RHOBTB1: variants seen among roughly 807,000 people sequenced by gnomAD.
The protein encoded by RHOBTB1 is Rho related BTB domain containing 1.
A neutral mutation model predicts 71.6 loss-of-function variants in RHOBTB1; 40 were observed. The observed-to-expected ratio is 0.56, with a 90% CI of 0.43 to 0.73. RHOBTB1 has a LOEUF of 0.73. RHOBTB1 is among the 30% of genes least tolerant of loss of function. The pLI is 0.00. For synonymous variants in RHOBTB1, 319 were observed against 334.9 expected (o/e 0.95, Z 0.52); for missense variants, 797 against 894.0 (o/e 0.89, Z 1.38).
At chr10:60,977,039 A>G (rs2086340216) in intron 2 of RHOBTB1, among the ~76,000 whole-genome samples, 1 of 152,068 alleles carries the variant, frequency 6.6e-6, no homozygotes, top group Admixed American at 6.6e-5. Flanking sequence ...TGAGATCTGT[A>G]AATGAAGGAG....
chr10:60,999,422 C>T (rs574094824), intron 1 of RHOBTB1, among the ~76,000 whole-genome samples: 30 of 152,260 alleles, frequency 2.0e-4, no homozygotes, highest in African/African-American at 6.7e-4. Flanking sequence ...GTATAAGAAA[C>T]GGGTTTTACT....
chr10:60,974,141 A>C (rs1015565561), intron 2 of RHOBTB1, among the ~76,000 whole-genome samples: 1 of 152,096 alleles, frequency 6.6e-6, no homozygotes, highest in African/African-American at 2.4e-5. Flanking sequence ...CACTAAGTCT[A>C]TAATCAGTTA....
chr10:60,987,285 A>G (rs555030212), intron 1 of RHOBTB1, among the ~76,000 whole-genome samples: 9 of 152,244 alleles, frequency 5.9e-5, no homozygotes, highest in Admixed American at 1.3e-4. Flanking sequence ...GCCTTCCACA[A>G]GGTTCTCCAC....
At chr10:60,991,232 C>A (rs1051846899) in intron 1 of RHOBTB1, among the ~76,000 whole-genome samples, 1 of 152,022 alleles carries the variant, frequency 6.6e-6, no homozygotes, top group Non-Finnish European at 1.5e-5. Context: ...GATGATGTAA[C>A]TAACTACAGC....
chr10:60,994,919 AAAAAC>A (rs148124919), intron 1 of RHOBTB1, among the ~76,000 whole-genome samples: 2 of 151,806 alleles, frequency 1.3e-5, no homozygotes, highest in African/African-American at 2.4e-5. Flanking sequence ...AGATAAGTAA[AAAAAC>A]AAAACAAAAC....
chr10:60,900,283 C>T lies in RHOBTB1; in HGVS notation c.297-7288G>A, dbSNP rs141045759. ...AGGACCAATTAAGAGGTAAGAATTCCGAGAGAGAGGATGGTGACTCTGCTG... is the reference window on the plus strand; with the variant it reads ...AGGACCAATTAAGAGGTAAGAATTCTGAGAGAGAGGATGGTGACTCTGCTG... On this transcript the variant is annotated intron_variant, in intron 4 of 10. Coordinates refer to ENST00000337910, the MANE Select transcript of RHOBTB1 (RefSeq NM_014836.5). 3.8e-3 allele frequency among the ~76,000 whole-genome samples: 581 copies of T among 152,002 alleles called. 5 individuals carry two copies. The highest frequency in any genetic ancestry group is 0.013 in the African/African-American group (555 of 41,462).
intron 1 of RHOBTB1, among the ~76,000 whole-genome samples, chr10:60,994,583 T>C (rs1183355042): frequency 6.6e-6 from 1 of 152,166 alleles, no homozygotes; most frequent in African/African-American, 2.4e-5. Flanking sequence ...CCTTCTCTTT[T>C]TTTAAAAAGT....
intron 2 of RHOBTB1, among the ~76,000 whole-genome samples, chr10:60,950,842 T>TC (rs1324390101): frequency 6.6e-6 from 1 of 152,032 alleles, no homozygotes; most frequent in African/African-American, 2.4e-5. Flanking sequence ...CCCCAATTCC[T>TC]CCCTCCCCAA....
intron 1 of RHOBTB1, among the ~76,000 whole-genome samples, chr10:60,990,234 C>T (rs922462674): frequency 3.3e-5 from 5 of 152,156 alleles, no homozygotes; most frequent in African/African-American, 9.6e-5. Context: ...CTGCCCGCCT[C>T]GGCCTCCCAA....
At chr10:60,868,004 T>C (rs903843615), downstream of RHOBTB1, among the ~76,000 whole-genome samples, 1 of 152,190 alleles carries the variant, frequency 6.6e-6, no homozygotes, top group Non-Finnish European at 1.5e-5. Flanking sequence ...TGGCTCACAG[T>C]GTTTAATTCA....
chr10:60,873,629 G>C (rs1211506085), intron 9 of RHOBTB1, among the ~76,000 whole-genome samples: 1 of 152,168 alleles, frequency 6.6e-6, no homozygotes, highest in Non-Finnish European at 1.5e-5. Context: ...TTTTTCTCTA[G>C]GAGGAATACT....
intron 2 of RHOBTB1, among the ~76,000 whole-genome samples, chr10:60,913,211 G>A (rs557468278): frequency 2.0e-5 from 3 of 152,290 alleles, no homozygotes; most frequent in South Asian, 2.1e-4. Flanking sequence ...TGGAACTGTC[G>A]ACTGTAACGC....
intron 7 of RHOBTB1, among the ~76,000 whole-genome samples, chr10:60,882,045 A>T (rs927877290): frequency 1.8e-4 from 28 of 152,288 alleles, no homozygotes; most frequent in Admixed American, 1.3e-3. Flanking sequence ...CTGATTTTTT[A>T]AAAAAGCCCG....
In RHOBTB1 at chr10:60,871,445, G is replaced by T; in HGVS notation, c.*37C>A. 6.3e-7 allele frequency: 1 copy of T among 1,599,178 alleles called. No homozygotes were observed. Among genetic ancestry groups the T allele is most frequent in the South Asian group, 1.1e-5 (1 of 88,856 alleles). On this transcript the variant is annotated 3_prime_UTR_variant, in exon 11 of 11. Transcript: ENST00000337910. Reference sequence around the variant, plus strand: ...TTGAAAAGTGGTGGATCAGATTACCGATTGGTTTCTGTTTTTTGTTTTTTT... The same window carrying T: ...TTGAAAAGTGGTGGATCAGATTACCTATTGGTTTCTGTTTTTTGTTTTTTT...
Position 60,870,761 on chromosome 10 carries a change from T to C in RHOBTB1, c.*721A>G, listed in dbSNP as rs2080741138. 6.6e-6 allele frequency: 1 copy of C among 152,652 alleles called. No individual in the cohort carries two copies. The highest frequency in any genetic ancestry group is 1.5e-5 in the Non-Finnish European group (1 of 68,044). The allele number at this position is 152,652 out of a possible 1,614,324, so 9.5% of individuals were successfully genotyped here. ...TAAGCCCTTCTAATGATTATAAAGA[T>C]TGTCCTCTTGAAACTAGACATTGGA... is the stretch of plus-strand genomic sequence containing the variant. On this transcript the variant is annotated 3_prime_UTR_variant, in exon 11 of 11. Transcript: ENST00000337910.
At chr10:60,880,884 T>C (rs1349377651) in intron 7 of RHOBTB1, among the ~76,000 whole-genome samples, 1 of 152,252 alleles carries the variant, frequency 6.6e-6, no homozygotes. Context: ...TTTACAGGTA[T>C]CCATACAAAT....
rs184657503 is a variant in RHOBTB1, at chr10:60,986,983, T to A, written c.-162-1038A>T. 6.7e-3 allele frequency among the ~76,000 whole-genome samples: 1,019 copies of A among 152,194 alleles called. 8 individuals are homozygous for A. Among genetic ancestry groups the A allele is most frequent in the Non-Finnish European group, 7.7e-3 (524 of 67,994 alleles). On this transcript the variant is annotated intron_variant, in intron 1 of 11. Transcript: ENST00000357917. ...TTGATTGCCGGTGGCTCCAGGCCAG[T>A]TGCTGCTCATTAATGAGTAAGGGCA...
At chr10:60,970,036 A>G (rs1323468144) in intron 2 of RHOBTB1, among the ~76,000 whole-genome samples, 1 of 152,036 alleles carries the variant, frequency 6.6e-6, no homozygotes, top group Non-Finnish European at 1.5e-5. Context: ...GGGTAAAATC[A>G]TTACTCAAAG....
In RHOBTB1 at chr10:60,888,356, C is replaced by G. The variant is rs2081702763; in HGVS notation, c.1312G>C (p.Glu438Gln). 6.2e-7 allele frequency: 1 copy of G among 1,614,188 alleles called. No individual in the cohort carries two copies. The highest frequency in any genetic ancestry group is 8.5e-7 in the Non-Finnish European group (1 of 1,180,024). Residue 438 changes from glutamate (E) to glutamine (Q), a missense_variant, in exon 6 of 11, where the codon GAG becomes CAG. Around this residue, in one of 2 missense-constraint regions of RHOBTB1, gnomAD observed 658 missense variants for 681.5 expected, o/e 0.97. Transcript: ENST00000337910. ...CTCAAATCGAACATCTCGAGGACCTCTGCGATCTGAGCCAGGCCCACCAAA... is the reference window on the plus strand; with the variant it reads ...CTCAAATCGAACATCTCGAGGACCTGTGCGATCTGAGCCAGGCCCACCAAA... ...KDLVGLAQIAEVLEMFDLRMM... is the reference protein window; with the variant it reads ...KDLVGLAQIAQVLEMFDLRMM...
Sources: gnomAD v4.1 joint callset for allele counts (sites outside exome capture counted in the v4.1 genomes callset) on GRCh38, gnomAD v4.1.1 for gene constraint, gnomAD v4.1.1 regional missense constraint, MANE v1.5 for transcripts, NCBI Gene and HGNC (gene_info 2026-07-23, HGNC 2026-07-21) for gene names.